SLC44A1: variants seen among roughly 807,000 people sequenced by gnomAD.
SLC44A1 encodes solute carrier family 44 member 1, also known as choline transporter-like protein 1.
Under a neutral mutation model 79.3 loss-of-function variants are expected in SLC44A1, and 26 were observed. The observed-to-expected ratio is 0.33, with a 90% CI of 0.24 to 0.46. The LOEUF is 0.46. SLC44A1 is among the 20% of genes least tolerant of loss of function. The probability of loss-of-function intolerance (pLI) is 1.00; values close to 1 mark genes in which losing one functional copy is unlikely to be tolerated. For missense variants in SLC44A1, 688 were observed against 798.1 expected (o/e 0.86, Z 1.66); for synonymous variants, 263 against 286.2 (o/e 0.92, Z 0.82).
chr9:105,358,208 T>G (rs1004301551), intron 6 of SLC44A1, 136 bp from the exon 7 acceptor site: 3 of 579,338 alleles, frequency 5.2e-6, no homozygotes, highest in Non-Finnish European at 9.1e-6. Flanking sequence ...AGCAGCTAGT[T>G]TCCTTCCTTA....
chr9:105,336,531 T>C (rs1434279704), intron 4 of SLC44A1, among the ~76,000 whole-genome samples: 1 of 152,194 alleles, frequency 6.6e-6, no homozygotes, highest in Non-Finnish European at 1.5e-5. Context: ...TCTTTTTGAA[T>C]TTCCTTGAGG....
intron 8 of SLC44A1, 34 bp from the exon 9 acceptor site, chr9:105,362,787 T>TA: frequency 1.4e-6 from 2 of 1,477,480 alleles, no homozygotes; most frequent in African/African-American, 2.9e-5. Flanking sequence ...TTTCACTACT[T>TA]ATAATAATAA....
chr9:105,403,875 A>G (rs1352743730), intron 15 of SLC44A1, among the ~76,000 whole-genome samples: 1 of 151,386 alleles, frequency 6.6e-6, no homozygotes, highest in Non-Finnish European at 1.5e-5. Flanking sequence ...TAGGGATCAG[A>G]TCTCGAGGGT....
chr9:105,300,913 T>C (rs1282473948), intron 2 of SLC44A1, among the ~76,000 whole-genome samples: 3 of 152,012 alleles, frequency 2.0e-5, no homozygotes, highest in Non-Finnish European at 4.4e-5. Flanking sequence ...GTAGCTGGGA[T>C]TACAGGCATG....
At chr9:105,403,617 C>T (rs962358339) in intron 15 of SLC44A1, among the ~76,000 whole-genome samples, 73 of 148,570 alleles carry the variant, frequency 4.9e-4, no homozygotes, top group African/African-American at 1.7e-3. Flanking sequence ...ATTTAGGAAG[C>T]AAAGGAGTAA....
intron 15 of SLC44A1, among the ~76,000 whole-genome samples, chr9:105,425,560 C>T (rs1393139136): frequency 2.6e-5 from 4 of 152,294 alleles, no homozygotes; most frequent in East Asian, 3.9e-4. Context: ...TAGTGGCTCA[C>T]GCCTGTAATC....
chr9:105,396,181 C>T lies in SLC44A1; in HGVS notation c.*7125C>T. On this transcript the variant is annotated 3_prime_UTR_variant, in exon 16 of 16. Transcript: ENST00000374720. ...TTGTTGGAGTTTTCTGACTTCTTCC[C>T]TATAAAAAGATACTGAGAGCTCCAT... 1.0e-6 allele frequency: 1 copy of T among 985,224 alleles called. No homozygotes were observed. Among genetic ancestry groups the T allele is most frequent in the Non-Finnish European group, 1.2e-6 (1 of 829,872 alleles). The allele number at this position is 985,224 out of a possible 1,614,324, so 61.0% of individuals were successfully genotyped here.
intron 1 of SLC44A1, among the ~76,000 whole-genome samples, chr9:105,290,788 T>A (rs958014154): frequency 6.6e-6 from 1 of 152,266 alleles, no homozygotes; most frequent in Non-Finnish European, 1.5e-5. Context: ...ATTTCCCCCT[T>A]TCTCCTTAAA....
chr9:105,358,677 C>T (rs1204611407), intron 7 of SLC44A1, among the ~76,000 whole-genome samples: 1 of 151,886 alleles, frequency 6.6e-6, no homozygotes, highest in Non-Finnish European at 1.5e-5. Flanking sequence ...TAAATTTTAC[C>T]AGCTGAATAT....
At chr9:105,328,759 G>C (rs917021512) in intron 3 of SLC44A1, among the ~76,000 whole-genome samples, 6 of 152,170 alleles carry the variant, frequency 3.9e-5, no homozygotes, top group Admixed American at 2.6e-4. Context: ...TCTCTTTGGG[G>C]GTTGGTGAGA....
intron 1 of SLC44A1, among the ~76,000 whole-genome samples, chr9:105,294,220 C>T (rs327986): frequency 0.22 from 33,966 of 152,062 alleles, 6,915 homozygotes; most frequent in African/African-American, 0.54. Flanking sequence ...ATTAAAAAAC[C>T]TTTTATTATG....
intron 7 of SLC44A1, among the ~76,000 whole-genome samples, chr9:105,359,830 G>T (rs544187822): frequency 6.6e-6 from 1 of 152,194 alleles, no homozygotes; most frequent in Admixed American, 6.5e-5. Flanking sequence ...GTTTTGATTT[G>T]TTTCCTCCTC....
chr9:105,352,273 G>A (rs1827473999), intron 5 of SLC44A1, among the ~76,000 whole-genome samples: 1 of 152,178 alleles, frequency 6.6e-6, no homozygotes, highest in Non-Finnish European at 1.5e-5. Flanking sequence ...GAAATCATGT[G>A]TAATTGTTTA....
At chr9:105,403,974 T>C (rs1326475200) in intron 15 of SLC44A1, among the ~76,000 whole-genome samples, 1 of 151,830 alleles carries the variant, frequency 6.6e-6, no homozygotes, top group South Asian at 2.1e-4. Flanking sequence ...TTTGGAGATA[T>C]TTGCCTTTCA....
intron 5 of SLC44A1, among the ~76,000 whole-genome samples, chr9:105,351,666 G>GAAAGAAAGAAAGAAAGAAAGAAAGAAAA (rs1316476533): frequency 1.3e-5 from 2 of 150,444 alleles, no homozygotes; most frequent in East Asian, 3.9e-4. Flanking sequence ...AAGAAAGAAA[G>GAAAGAAAGAAAGAAAGAAAGAAAGAAAA]AAAGAAAGAA....
chr9:105,247,361 G>A (rs1362911668), intron 1 of SLC44A1, among the ~76,000 whole-genome samples: 1 of 152,108 alleles, frequency 6.6e-6, no homozygotes, highest in Non-Finnish European at 1.5e-5. Flanking sequence ...GCAGTGGTGC[G>A]ATCTCAGCTC....
downstream of SLC44A1, among the ~76,000 whole-genome samples, chr9:105,397,602 G>A (rs991804174): frequency 4.6e-5 from 7 of 152,182 alleles, no homozygotes; most frequent in East Asian, 1.9e-4. Flanking sequence ...CTGAGTTGCC[G>A]CGTGAATGCT....
rs117639749 is a variant in SLC44A1, at chr9:105,438,272, T to C, written c.1951-9T>C. 509 of 1,549,972 alleles carry C rather than the reference T, an allele frequency of 3.3e-4. 4 individuals are homozygous for C. The East Asian group carries it at 0.012, about 36-fold the overall frequency. Reference sequence around the variant, plus strand: ...CAGAAGCATTCATTTTCTTGATGTGTTTTTTCAGCTGAAGAAAAGGTGACT... The same window carrying C: ...CAGAAGCATTCATTTTCTTGATGTGCTTTTTCAGCTGAAGAAAAGGTGACT... On this transcript the variant is annotated splice_polypyrimidine_tract_variant and intron_variant, in intron 15 of 15. Coordinates refer to the SLC44A1 transcript ENST00000374724.
chr9:105,245,317 G>A (rs1368962385), intron 1 of SLC44A1, among the ~76,000 whole-genome samples: 1 of 152,168 alleles, frequency 6.6e-6, no homozygotes, highest in Non-Finnish European at 1.5e-5. Flanking sequence ...CCCGCCATCC[G>A]CCGCCCGTTT....
Sources: gnomAD v4.1 joint callset for allele counts (sites outside exome capture counted in the v4.1 genomes callset) on GRCh38, gnomAD v4.1.1 for gene constraint, MANE v1.5 for transcripts, NCBI Gene and HGNC (gene_info 2026-07-23, HGNC 2026-07-21) for gene names.